The following CPNE4 variants were observed in gnomAD, a reference collection of about 807,000 sequenced individuals.
CPNE4 encodes copine 4.
A neutral mutation model predicts 67.9 loss-of-function variants in CPNE4; 25 were observed. That is an observed-to-expected ratio of 0.37 (90% CI 0.27 to 0.51). CPNE4 has a LOEUF of 0.51. Ranked by LOEUF, CPNE4 falls within the 20% of genes least tolerant of loss-of-function variation. The pLI is 0.93. For synonymous variants in CPNE4, 242 were observed against 244.9 expected (o/e 0.99, Z 0.11); for missense variants, 464 against 690.8 (o/e 0.67, Z 3.68).
chr3:132,001,595 GA>G (rs746707955), intron 1 of CPNE4, among the ~76,000 whole-genome samples: 4 of 148,676 alleles, frequency 2.7e-5, no homozygotes, highest in Non-Finnish European at 6.0e-5. Context: ...AAGAAAGAAA[GA>G]AAGAAAGAAA....
intron 2 of CPNE4, among the ~76,000 whole-genome samples, chr3:131,766,331 C>G (rs2083014275): frequency 8.2e-6 from 1 of 122,428 alleles, no homozygotes; most frequent in African/African-American, 2.9e-5. Flanking sequence ...TTGTTTATTA[C>G]TTCTTTATAA....
chr3:131,570,167 T>C (rs1472660), intron 10 of CPNE4, among the ~76,000 whole-genome samples: 23,069 of 151,736 alleles, frequency 0.15, 2,960 homozygotes, highest in African/African-American at 0.36. Flanking sequence ...CTGTAATTCA[T>C]GTAGCCATTA....
intron 2 of CPNE4, among the ~76,000 whole-genome samples, chr3:131,856,443 A>T (rs897124581): frequency 3.3e-5 from 5 of 151,794 alleles, no homozygotes; most frequent in African/African-American, 9.7e-5. Flanking sequence ...CAGATGTTTT[A>T]AAAAAAGGCG....
chr3:131,680,481 C>G (rs985050323), intron 6 of CPNE4, among the ~76,000 whole-genome samples: 2 of 151,902 alleles, frequency 1.3e-5, no homozygotes, highest in Admixed American at 6.6e-5. Context: ...CTTTGTCCCC[C>G]AGCTTTTTAA....
intron 1 of CPNE4, among the ~76,000 whole-genome samples, chr3:131,914,243 ACT>A (rs2089093507): frequency 6.6e-6 from 1 of 152,140 alleles, no homozygotes; most frequent in African/African-American, 2.4e-5. Flanking sequence ...CAAATACAGA[ACT>A]TATGCCCTTA....
At chr3:131,872,053 C>T (rs2087232414) in intron 2 of CPNE4, among the ~76,000 whole-genome samples, 1 of 152,144 alleles carries the variant, frequency 6.6e-6, no homozygotes, top group African/African-American at 2.4e-5. Flanking sequence ...CTACCTTGAC[C>T]TGGGTGGACC....
At position 131,923,591 on chromosome 3, in the gene CPNE4, C is replaced by G. The variant is rs370463936; in HGVS notation, c.-1-18147G>C. Among the ~76,000 whole-genome samples, 114 of 150,292 alleles carry G rather than the reference C, an allele frequency of 7.6e-4. 1 individual carries two copies. Among genetic ancestry groups the G allele is most frequent in the African/African-American group, 2.6e-3 (105 of 41,046 alleles). The stretch of plus-strand genomic sequence containing the variant: ...ATGGTGATGCATGCCTATAGTACCA[C>G]CTACTTGGGAGGCCAAGGCAGGAGA... On this transcript the variant is annotated intron_variant, in intron 1 of 15. Transcript: ENST00000429747.
At chr3:131,618,829 C>A (rs1007414715) in intron 7 of CPNE4, among the ~76,000 whole-genome samples, 3 of 152,080 alleles carry the variant, frequency 2.0e-5, no homozygotes, top group African/African-American at 7.2e-5. Flanking sequence ...CCATGACTAC[C>A]GGCTGACTGA....
intron 2 of CPNE4, among the ~76,000 whole-genome samples, chr3:131,856,453 G>T (rs539739728): frequency 6.6e-6 from 1 of 151,776 alleles, no homozygotes; most frequent in African/African-American, 2.4e-5. Flanking sequence ...AAAAAAAGGC[G>T]TCACTGTGAA....
chr3:131,557,803 GAGA>G (rs1188850438), intron 11 of CPNE4, among the ~76,000 whole-genome samples: 1 of 151,994 alleles, frequency 6.6e-6, no homozygotes, highest in South Asian at 2.1e-4. Context: ...GGGTAGGTGT[GAGA>G]AGAGATCTGT....
intron 3 of CPNE4, among the ~76,000 whole-genome samples, chr3:131,718,752 T>C (rs1004684065): frequency 2.0e-5 from 3 of 152,248 alleles, no homozygotes; most frequent in Non-Finnish European, 2.9e-5. Flanking sequence ...TTATAAGCTT[T>C]TCTGAGGCAG....
chr3:132,006,103 G>T (rs2073596737), intron 1 of CPNE4, among the ~76,000 whole-genome samples: 1 of 152,058 alleles, frequency 6.6e-6, no homozygotes. Context: ...ACGTATTGTT[G>T]TTGTTTTATT....
chr3:131,798,794 T>A (rs909316605), intron 2 of CPNE4, among the ~76,000 whole-genome samples: 8 of 152,114 alleles, frequency 5.3e-5, no homozygotes, highest in Non-Finnish European at 1.2e-4. Context: ...TCAATGTATA[T>A]CAGGTGGTAT....
At chr3:131,628,838 C>CAA (rs536121601) in intron 7 of CPNE4, among the ~76,000 whole-genome samples, 18 of 86,618 alleles carry the variant, frequency 2.1e-4, no homozygotes, top group African/African-American at 6.2e-4. Flanking sequence ...TTGATCTTTT[C>CAA]AAAAAAAACC....
At position 131,687,293 on chromosome 3, in the gene CPNE4, A is replaced by G. The variant is rs186606197; in HGVS notation, c.508-1335T>C. ...CCCCCAGTAGATTATAAATTCTCAA[A>G]GAGGAGAAACTTTATTTTCCTTTAT... On this transcript the variant is annotated intron_variant, in intron 5 of 15. Coordinates refer to ENST00000429747, the MANE Select transcript of CPNE4 (RefSeq NM_130808.3). Among the ~76,000 whole-genome samples the G allele has an allele frequency of 2.8e-3, 419 of 152,326 alleles. 2 individuals are homozygous for G. The highest frequency in any genetic ancestry group is 9.4e-3 in the African/African-American group (391 of 41,562).
At chr3:131,727,850 A>G (rs2107754842) in intron 2 of CPNE4, among the ~76,000 whole-genome samples, 1 of 152,300 alleles carries the variant, frequency 6.6e-6, no homozygotes, top group South Asian at 2.1e-4. Context: ...AATGTATATC[A>G]TAATCTGTGG....
At chr3:131,589,065 G>A (rs184879151) in intron 7 of CPNE4, among the ~76,000 whole-genome samples, 6 of 152,264 alleles carry the variant, frequency 3.9e-5, no homozygotes, top group African/African-American at 9.6e-5. Context: ...TATTAGTCAC[G>A]GTTCTCCAGA....
intron 1 of CPNE4, among the ~76,000 whole-genome samples, chr3:131,955,315 T>G (rs1047496077): frequency 2.0e-5 from 3 of 151,846 alleles, no homozygotes; most frequent in Non-Finnish European, 4.4e-5. Context: ...CCTTTCTTTC[T>G]TAGTTGGTTA....
Position 131,564,201 on chromosome 3 carries a change from C to T in CPNE4, c.1061+15G>A, listed in dbSNP as rs764240590. On this transcript the variant is annotated intron_variant, in intron 11 of 15. Coordinates refer to ENST00000429747, the MANE Select transcript of CPNE4 (RefSeq NM_130808.3). Reference sequence around the variant, plus strand: ...TGAGAGATGATAAGGCTCCAAATGTCCTGAAGCCTCTTACCTGTCATAGTC... The same window carrying T: ...TGAGAGATGATAAGGCTCCAAATGTTCTGAAGCCTCTTACCTGTCATAGTC... The T allele has an allele frequency of 7.4e-6, 12 of 1,612,232 alleles. No homozygotes were observed. In the East Asian group the frequency reaches 2.5e-4, roughly 33 times the overall value.
Sources: gnomAD v4.1 joint callset for allele counts (sites outside exome capture counted in the v4.1 genomes callset) on GRCh38, gnomAD v4.1.1 for gene constraint, MANE v1.5 for transcripts, NCBI Gene and HGNC (gene_info 2026-07-23, HGNC 2026-07-21) for gene names.